The following MTMR2 variants were observed in gnomAD, a reference collection of about 807,000 sequenced individuals.
The protein encoded by MTMR2 is myotubularin related protein 2.
A neutral mutation model predicts 86.9 loss-of-function variants in MTMR2; 55 were observed. The ratio of observed to expected loss-of-function variants is 0.63; its 90% CI spans 0.51 to 0.79. The LOEUF is 0.79. Ranked by LOEUF, MTMR2 falls within the 30% of genes least tolerant of loss-of-function variation. The pLI is 0.00. For synonymous variants in MTMR2, 241 were observed against 266.8 expected (o/e 0.90, Z 0.94); for missense variants, 659 against 772.3 (o/e 0.85, Z 1.74).
At chr11:95,872,643 A>G (rs1223706126) in intron 2 of MTMR2, among the ~76,000 whole-genome samples, 1 of 152,188 alleles carries the variant, frequency 6.6e-6, no homozygotes, top group Non-Finnish European at 1.5e-5. Flanking sequence ...AGAACTTCCA[A>G]CACTATGTTG....
intron 1 of MTMR2, among the ~76,000 whole-genome samples, chr11:95,906,337 A>G (rs987612050): frequency 6.6e-6 from 1 of 152,194 alleles, no homozygotes; most frequent in Non-Finnish European, 1.5e-5. Flanking sequence ...TCAATTCAAC[A>G]AGAAGACTCA....
chr11:95,844,769 T>A (rs1863700727), intron 11 of MTMR2, among the ~76,000 whole-genome samples, 184 bp downstream of exon 11: 1 of 152,180 alleles, frequency 6.6e-6, no homozygotes, highest in Non-Finnish European at 1.5e-5. Flanking sequence ...GACAAATAGC[T>A]AGCTCTGACT....
At chr11:95,843,318 G>A (rs1863629663) in intron 11 of MTMR2, among the ~76,000 whole-genome samples, 1 of 152,142 alleles carries the variant, frequency 6.6e-6, no homozygotes, top group African/African-American at 2.4e-5. Flanking sequence ...TGGAAGATCT[G>A]TGTAACTCAA....
At chr11:95,856,382 T>A (rs1000671106) in intron 7 of MTMR2, among the ~76,000 whole-genome samples, 9 of 151,978 alleles carry the variant, frequency 5.9e-5, no homozygotes, top group African/African-American at 2.2e-4. Context: ...TGATGCTTTA[T>A]CATTAGTCCT....
intron 7 of MTMR2, among the ~76,000 whole-genome samples, chr11:95,854,552 A>G (rs560157849): frequency 6.6e-6 from 1 of 152,170 alleles, no homozygotes; most frequent in South Asian, 2.1e-4. Context: ...TGCAGCCTCA[A>G]CCTCCAGGGC....
At chr11:95,853,110 AT>A (rs199942656) in intron 7 of MTMR2, among the ~76,000 whole-genome samples, 2,633 of 148,846 alleles carry the variant, frequency 0.018, 39 homozygotes, top group South Asian at 0.065. Flanking sequence ...TATATTTCAT[AT>A]TTTTTATATA....
chr11:95,886,936 T>A (rs137952740), intron 2 of MTMR2, among the ~76,000 whole-genome samples: 164 of 152,286 alleles, frequency 1.1e-3, no homozygotes, highest in African/African-American at 3.8e-3. Context: ...GCCCTTTGTA[T>A]GCTTCAAGAT....
chr11:95,871,582 G>C (rs1167230244), intron 2 of MTMR2, among the ~76,000 whole-genome samples: 1 of 151,916 alleles, frequency 6.6e-6, no homozygotes, highest in Admixed American at 6.6e-5. Context: ...TTTTTGATGG[G>C]GTTGTTTTTT....
chr11:95,872,283 C>T (rs2135504851), intron 2 of MTMR2, among the ~76,000 whole-genome samples: 2 of 152,134 alleles, frequency 1.3e-5, no homozygotes, highest in Admixed American at 6.6e-5. Flanking sequence ...TGTTTGTATC[C>T]TCTTTTATTT....
At chr11:95,894,030 G>A (rs1865799879) in intron 1 of MTMR2, among the ~76,000 whole-genome samples, 1 of 152,074 alleles carries the variant, frequency 6.6e-6, no homozygotes, top group African/African-American at 2.4e-5. Flanking sequence ...CCACGATCTG[G>A]CCCTTGTTCT....
At chr11:95,905,578 C>T (rs975982877) in intron 1 of MTMR2, among the ~76,000 whole-genome samples, 3 of 152,154 alleles carry the variant, frequency 2.0e-5, no homozygotes, top group African/African-American at 7.2e-5. Flanking sequence ...TCCCACTCTT[C>T]CTGGATATAC....
At chr11:95,913,135 T>TA (rs1866572300) in intron 1 of MTMR2, 1 of 152,168 alleles carries the variant, frequency 6.6e-6, no homozygotes, top group Non-Finnish European at 1.5e-5. Context: ...ACATAACCCA[T>TA]ATGTCCTCTT....
intron 1 of MTMR2, among the ~76,000 whole-genome samples, chr11:95,904,918 C>T (rs949085781): frequency 7.4e-4 from 113 of 152,212 alleles, no homozygotes; most frequent in African/African-American, 2.5e-3. Flanking sequence ...TTCCTAAATC[C>T]ACTTCAGTCA....
chr11:95,922,317 G>C (rs11021348), intron 1 of MTMR2, among the ~76,000 whole-genome samples: 1 of 152,032 alleles, frequency 6.6e-6, no homozygotes, highest in African/African-American at 2.4e-5. Context: ...CCTTGGATGA[G>C]AGTACTGGTT....
intron 2 of MTMR2, among the ~76,000 whole-genome samples, chr11:95,868,774 G>A (rs373840383): frequency 6.6e-6 from 1 of 151,818 alleles, no homozygotes; most frequent in Admixed American, 6.6e-5. Context: ...AATTACCTTT[G>A]AAGAAAGCAA....
chr11:95,871,343 C>T (rs1414347022), intron 2 of MTMR2, among the ~76,000 whole-genome samples: 3 of 152,208 alleles, frequency 2.0e-5, no homozygotes, highest in Non-Finnish European at 4.4e-5. Context: ...AACTAGTTTA[C>T]AGTCCCCACC....
intron 1 of MTMR2, among the ~76,000 whole-genome samples, chr11:95,907,596 T>C (rs1276958200): frequency 1.3e-5 from 2 of 152,084 alleles, no homozygotes; most frequent in Admixed American, 6.6e-5. Context: ...CTGATGAACA[T>C]AGCTGCAAAA....
At chr11:95,892,912 C>G (rs1333276255) in intron 1 of MTMR2, among the ~76,000 whole-genome samples, 1 of 152,134 alleles carries the variant, frequency 6.6e-6, no homozygotes, top group Non-Finnish European at 1.5e-5. Context: ...ATAAGAGACT[C>G]TTTTCTTTTC....
intron 11 of MTMR2, among the ~76,000 whole-genome samples, chr11:95,842,327 T>C (rs528915440): frequency 1.2e-4 from 19 of 152,324 alleles, no homozygotes; most frequent in African/African-American, 4.3e-4. Flanking sequence ...CTGGAGATTT[T>C]AATTTCTCTC....
Sources: allele counts gnomAD v4.1 joint callset (sites outside exome capture counted in the v4.1 genomes callset), GRCh38; gene constraint gnomAD v4.1.1; transcripts MANE v1.5; gene names NCBI Gene and HGNC (gene_info 2026-07-23, HGNC 2026-07-21).